Variants in STAU1 observed in about 807,000 individuals in gnomAD.
STAU1 encodes double-stranded RNA-binding protein Staufen homolog 1.
Under a neutral mutation model 62.9 loss-of-function variants are expected in STAU1, and 13 were observed. The ratio of observed to expected loss-of-function variants is 0.21; its 90% CI spans 0.13 to 0.33. The LOEUF is 0.33. STAU1 is among the 10% of genes least tolerant of loss of function. The pLI is 1.00. For missense variants in STAU1, 571 were observed against 712.1 expected, an observed-to-expected ratio of 0.80 and a Z score of 2.25; for synonymous variants, 269 against 265.1, an observed-to-expected ratio of 1.01 and a Z score of -0.14.
At chr20:49,205,435 G>A in the STAU1 span, among the ~76,000 whole-genome samples, 1 of 138,506 alleles carries the variant, frequency 7.2e-6, no homozygotes, top group Admixed American at 8.0e-5. Context: ...GCACGATCTC[G>A]GCTCACTGCA....
chr20:49,151,861 G>T, intron 4 of STAU1, 114 bp from the exon 5 acceptor site: 1 of 876,216 alleles, frequency 1.1e-6, no homozygotes, highest in Non-Finnish European at 1.7e-6. Context: ...ATTAGTGTTT[G>T]ATGCTAATCA....
chr20:49,139,284 A>T (rs773298020), intron 5 of STAU1, among the ~76,000 whole-genome samples: 4 of 152,246 alleles, frequency 2.6e-5, no homozygotes, highest in Non-Finnish European at 5.9e-5. Context: ...CTATCAAGAG[A>T]GTGAAGAAAA....
At chr20:49,214,729 C>T in the STAU1 span, among the ~76,000 whole-genome samples, 1 of 152,114 alleles carries the variant, frequency 6.6e-6, no homozygotes, top group African/African-American at 2.4e-5. Context: ...GCTTGTGAAG[C>T]ATCAGGCATG....
At chr20:49,126,464 A>T (rs965799159) in intron 6 of STAU1, among the ~76,000 whole-genome samples, 3 of 150,650 alleles carry the variant, frequency 2.0e-5, no homozygotes, top group Non-Finnish European at 4.4e-5. Context: ...GCTATGTGGG[A>T]GGCTAAAACA....
the STAU1 span, among the ~76,000 whole-genome samples, chr20:49,216,987 C>A: frequency 4.3e-3 from 661 of 152,294 alleles, 5 homozygotes; most frequent in Non-Finnish European, 6.7e-3. Flanking sequence ...TTGCAACCCA[C>A]GGGGCACAGA....
chr20:49,159,104 A>C (rs1422050707), intron 3 of STAU1: 4 of 1,130,096 alleles, frequency 3.5e-6, no homozygotes, highest in Non-Finnish European at 3.3e-6. Context: ...TCCCTGGGTC[A>C]TCTTGGTGAT....
At chr20:49,189,361 G>A (rs902070835), upstream of STAU1, among the ~76,000 whole-genome samples, 2 of 151,604 alleles carry the variant, frequency 1.3e-5, no homozygotes, top group Non-Finnish European at 2.9e-5. Context: ...TTGGCCAGGC[G>A]CAGTGGCTCA....
chr20:49,173,697 A>G (rs2093625700), intron 2 of STAU1, among the ~76,000 whole-genome samples: 1 of 152,222 alleles, frequency 6.6e-6, no homozygotes, highest in Non-Finnish European at 1.5e-5. Context: ...TTGCCCTGAC[A>G]AAAGACCAGA....
At chr20:49,170,134 C>T (rs1176322243) in intron 2 of STAU1, among the ~76,000 whole-genome samples, 1 of 152,180 alleles carries the variant, frequency 6.6e-6, no homozygotes, top group Non-Finnish European at 1.5e-5. Flanking sequence ...GTGTATTCAG[C>T]ACTCAGCAGT....
intron 1 of STAU1, among the ~76,000 whole-genome samples, chr20:49,186,696 G>C (rs1210059491): frequency 1.3e-5 from 2 of 151,846 alleles, no homozygotes; most frequent in African/African-American, 4.8e-5. Context: ...CAGGATAACC[G>C]AAACTGCTCC....
chr20:49,139,522 C>T (rs1156376381), intron 5 of STAU1, among the ~76,000 whole-genome samples: 1 of 151,934 alleles, frequency 6.6e-6, no homozygotes, highest in Non-Finnish European at 1.5e-5. Context: ...GTCAGAGGTT[C>T]GAGACCAGCC....
chr20:49,116,427 C>T (rs1430248743), intron 12 of STAU1, among the ~76,000 whole-genome samples: 2 of 152,146 alleles, frequency 1.3e-5, no homozygotes, highest in African/African-American at 2.4e-5. Context: ...CTCCACCTCC[C>T]GGGTTCAAGC....
chr20:49,123,752 A>AT (rs1487412054), intron 7 of STAU1, among the ~76,000 whole-genome samples: 1 of 152,210 alleles, frequency 6.6e-6, no homozygotes, highest in Non-Finnish European at 1.5e-5. Flanking sequence ...CTTCCAGGCT[A>AT]TATTAAGCAA....
chr20:49,166,339 A>C, intron 2 of STAU1, 54 bp from the exon 3 acceptor site: 1 of 701,920 alleles, frequency 1.4e-6, no homozygotes, highest in Non-Finnish European at 2.3e-6. Context: ...GGAGATATGT[A>C]ATTGCCAATA....
the STAU1 span, among the ~76,000 whole-genome samples, chr20:49,196,266 C>T: frequency 6.7e-6 from 1 of 149,548 alleles, no homozygotes; most frequent in Non-Finnish European, 1.5e-5. Context: ...GAAACCCCGT[C>T]TCTACTAAAA....
intron 4 of STAU1, among the ~76,000 whole-genome samples, chr20:49,152,953 T>C (rs1401938532): frequency 6.6e-6 from 1 of 151,916 alleles, no homozygotes; most frequent in East Asian, 1.9e-4. Flanking sequence ...GAGCAGTAGT[T>C]AAAGAAGCAC....
At chr20:49,129,145 C>G (rs1473967701) in intron 6 of STAU1, among the ~76,000 whole-genome samples, 1 of 151,774 alleles carries the variant, frequency 6.6e-6, no homozygotes, top group Non-Finnish European at 1.5e-5. Flanking sequence ...AAGATATAAA[C>G]CTATATTTCA....
chr20:49,173,660 G>GT (rs1407345862), intron 2 of STAU1, among the ~76,000 whole-genome samples: 2 of 152,290 alleles, frequency 1.3e-5, no homozygotes, highest in Non-Finnish European at 2.9e-5. Context: ...GCAGGAAGCA[G>GT]TATTAACCCA....
intron 5 of STAU1, among the ~76,000 whole-genome samples, chr20:49,143,091 G>A (rs1368474848): frequency 1.3e-5 from 2 of 152,054 alleles, no homozygotes; most frequent in Non-Finnish European, 2.9e-5. Context: ...GTGAGCCACC[G>A]TGCCTGGCTC....
Sources: allele counts gnomAD v4.1 joint callset (sites outside exome capture counted in the v4.1 genomes callset), GRCh38; gene constraint gnomAD v4.1.1; transcripts MANE v1.5; gene names NCBI Gene and HGNC (gene_info 2026-07-23, HGNC 2026-07-21).